Variants in DSCAM observed in about 807,000 individuals in gnomAD.
DSCAM encodes the protein DS cell adhesion molecule.
Under a neutral mutation model 217.7 loss-of-function variants are expected in DSCAM, and 47 were observed. The ratio of observed to expected loss-of-function variants is 0.22; its 90% CI spans 0.17 to 0.28. The LOEUF is 0.28. Among genes scored for constraint, DSCAM ranks in the 10% least tolerant of loss-of-function variants. The probability of loss-of-function intolerance (pLI) is 1.00; values close to 1 mark genes in which losing one functional copy is unlikely to be tolerated. For synonymous variants in DSCAM, 1,056 were observed against 1,015.3 expected (o/e 1.04, Z -0.76); for missense variants, 2,080 against 2,618.3 (o/e 0.79, Z 4.49).
chr21:40,093,364 C>T (rs771146694), intron 21 of DSCAM, among the ~76,000 whole-genome samples: 10 of 152,172 alleles, frequency 6.6e-5, no homozygotes, highest in Non-Finnish European at 1.3e-4. Context: ...ATAAAATAGA[C>T]ATTTCTCATT....
At chr21:40,120,118 A>T (rs385712) in intron 20 of DSCAM, among the ~76,000 whole-genome samples, 4 of 152,090 alleles carry the variant, frequency 2.6e-5, no homozygotes. Context: ...AATGTGGAGA[A>T]CTTAATTGCC....
At chr21:40,636,451 A>C (rs1238071198) in intron 3 of DSCAM, among the ~76,000 whole-genome samples, 25 of 152,136 alleles carry the variant, frequency 1.6e-4, no homozygotes, top group Admixed American at 1.6e-3. Context: ...AATGGAAATA[A>C]CTTTGATTCT....
chr21:40,412,186 C>T (rs2075329573), intron 3 of DSCAM, among the ~76,000 whole-genome samples: 1 of 152,102 alleles, frequency 6.6e-6, no homozygotes, highest in Non-Finnish European at 1.5e-5. Flanking sequence ...GTAAATTGCC[C>T]AGTCTTGGGT....
At chr21:40,588,493 G>A (rs1388381670) in intron 3 of DSCAM, among the ~76,000 whole-genome samples, 2 of 152,196 alleles carry the variant, frequency 1.3e-5, no homozygotes, top group African/African-American at 2.4e-5. Flanking sequence ...AGCAAGTGGT[G>A]ATGAGGAAAA....
intron 11 of DSCAM, among the ~76,000 whole-genome samples, chr21:40,261,503 T>G (rs1367000999): frequency 6.6e-6 from 1 of 152,134 alleles, no homozygotes; most frequent in African/African-American, 2.4e-5. Flanking sequence ...TTTTCTTGTC[T>G]TTGGACTTCG....
intron 32 of DSCAM, among the ~76,000 whole-genome samples, chr21:40,029,566 G>A (rs1332206640): frequency 6.6e-6 from 1 of 152,096 alleles, no homozygotes; most frequent in African/African-American, 2.4e-5. Context: ...GAGGGTGTGA[G>A]GGTGGAGAGT....
chr21:40,132,636 A>G (rs1455827517), intron 19 of DSCAM, among the ~76,000 whole-genome samples: 3 of 152,204 alleles, frequency 2.0e-5, no homozygotes, highest in Non-Finnish European at 2.9e-5. Flanking sequence ...GAGGCAGCAA[A>G]AACACCAGGT....
intron 14 of DSCAM, among the ~76,000 whole-genome samples, chr21:40,179,427 G>A (rs2090774427): frequency 6.6e-6 from 1 of 152,050 alleles, no homozygotes; most frequent in Admixed American, 6.6e-5. Context: ...TTCCAGTGGT[G>A]GAAGCTCAGG....
chr21:40,631,420 T>C (rs1032163951), intron 3 of DSCAM, among the ~76,000 whole-genome samples: 1 of 152,228 alleles, frequency 6.6e-6, no homozygotes, highest in African/African-American at 2.4e-5. Flanking sequence ...TTGTTATTTC[T>C]TTAAAATAAA....
intron 15 of DSCAM, among the ~76,000 whole-genome samples, chr21:40,170,293 CTT>C (rs1290406546): frequency 6.6e-6 from 1 of 152,184 alleles, no homozygotes; most frequent in Non-Finnish European, 1.5e-5. Flanking sequence ...GCGTGTCTGT[CTT>C]TGCATGTCTC....
At chr21:40,103,032 C>T (rs1323895319) in intron 20 of DSCAM, among the ~76,000 whole-genome samples, 1 of 152,320 alleles carries the variant, frequency 6.6e-6, no homozygotes, top group African/African-American at 2.4e-5. Flanking sequence ...AACTGGAATA[C>T]ACTGAAGAAA....
chr21:40,731,257 A>G (rs1404502549), intron 1 of DSCAM, among the ~76,000 whole-genome samples: 1 of 152,226 alleles, frequency 6.6e-6, no homozygotes, highest in Middle Eastern at 3.2e-3. Context: ...ACTTAAACAC[A>G]GGTAGTATGA....
chr21:40,391,939 T>C (rs2075137559), intron 3 of DSCAM, among the ~76,000 whole-genome samples: 1 of 152,138 alleles, frequency 6.6e-6, no homozygotes, highest in Non-Finnish European at 1.5e-5. Flanking sequence ...AAAGCACCTC[T>C]CCAAGGGGGA....
intron 18 of DSCAM, among the ~76,000 whole-genome samples, chr21:40,135,524 C>A (rs1029472658): frequency 6.6e-6 from 1 of 152,210 alleles, no homozygotes; most frequent in African/African-American, 2.4e-5. Flanking sequence ...TCTCCTCAGT[C>A]GCTCTGGGAA....
intron 20 of DSCAM, among the ~76,000 whole-genome samples, chr21:40,110,037 A>C (rs917093701): frequency 1.3e-5 from 2 of 152,168 alleles, no homozygotes; most frequent in Non-Finnish European, 2.9e-5. Context: ...TGAACACTTA[A>C]ATGTCACTGT....
intron 11 of DSCAM, among the ~76,000 whole-genome samples, chr21:40,207,283 C>A (rs976604765): frequency 6.6e-5 from 10 of 152,228 alleles, no homozygotes; most frequent in African/African-American, 2.4e-4. Flanking sequence ...TCTATAATTT[C>A]TTTAATTTCT....
intron 11 of DSCAM, among the ~76,000 whole-genome samples, chr21:40,269,720 ATC>A (rs1673394531): frequency 6.6e-6 from 1 of 152,028 alleles, no homozygotes; most frequent in Non-Finnish European, 1.5e-5. Context: ...CATAACTCCA[ATC>A]TCTGTCTTTG....
intron 1 of DSCAM, among the ~76,000 whole-genome samples, chr21:40,722,896 A>G (rs2090916749): frequency 6.6e-6 from 1 of 152,176 alleles, no homozygotes; most frequent in African/African-American, 2.4e-5. Flanking sequence ...AGTAGATTTT[A>G]GAATAAGAAA....
chr21:40,684,737 GATA>G (rs775554335), intron 3 of DSCAM, among the ~76,000 whole-genome samples: 19 of 152,126 alleles, frequency 1.2e-4, no homozygotes, highest in Admixed American at 2.0e-4. Flanking sequence ...TTAGCTTGTC[GATA>G]ATAATAATAA....
Sources: allele counts gnomAD v4.1 joint callset (sites outside exome capture counted in the v4.1 genomes callset), GRCh38; gene constraint gnomAD v4.1.1; transcripts MANE v1.5; gene names NCBI Gene and HGNC (gene_info 2026-07-23, HGNC 2026-07-21).